Variants in GPC5 observed in about 807,000 individuals in gnomAD.
The protein encoded by GPC5 is glypican-5.
A neutral mutation model predicts 53.9 loss-of-function variants in GPC5; 47 were observed. The observed-to-expected ratio is 0.87, with a 90% CI of 0.69 to 1.11. The LOEUF is 1.11. Ranked by LOEUF, GPC5 falls within the 50% of genes most tolerant of loss-of-function variation. GPC5 has a pLI of 0.00. For missense variants in GPC5, 748 were observed against 713.1 expected, an observed-to-expected ratio of 1.05 and a Z score of -0.56; for synonymous variants, 286 against 263.3, an observed-to-expected ratio of 1.09 and a Z score of -0.84.
intron 7 of GPC5, among the ~76,000 whole-genome samples, chr13:92,820,066 C>T (rs763569072): frequency 3.9e-5 from 6 of 152,068 alleles, no homozygotes; most frequent in African/African-American, 9.7e-5. Context: ...TGTCTACTAA[C>T]GAATGCTCGA....
intron 7 of GPC5, among the ~76,000 whole-genome samples, chr13:92,684,959 G>A (rs1039842400): frequency 6.6e-6 from 1 of 152,144 alleles, no homozygotes; most frequent in African/African-American, 2.4e-5. Flanking sequence ...GCAAATCATT[G>A]TTTTAGTTTG....
intron 6 of GPC5, among the ~76,000 whole-genome samples, chr13:91,942,414 A>T (rs2039935639): frequency 6.6e-6 from 1 of 152,078 alleles, no homozygotes; most frequent in Non-Finnish European, 1.5e-5. Context: ...AAAAATGGAA[A>T]TCTATACTAT....
intron 5 of GPC5, among the ~76,000 whole-genome samples, chr13:91,785,466 A>T (rs1342876862): frequency 6.6e-6 from 1 of 152,156 alleles, no homozygotes; most frequent in South Asian, 2.1e-4. Flanking sequence ...TGGGGATATC[A>T]TTCAGAGTTA....
At chr13:92,551,122 T>C (rs974026785) in intron 7 of GPC5, among the ~76,000 whole-genome samples, 4 of 151,956 alleles carry the variant, frequency 2.6e-5, no homozygotes, top group African/African-American at 7.2e-5. Context: ...AGGACCAGAA[T>C]TATTTGTATT....
intron 7 of GPC5, among the ~76,000 whole-genome samples, chr13:92,520,836 A>G (rs1339079275): frequency 6.6e-6 from 1 of 152,210 alleles, no homozygotes; most frequent in Non-Finnish European, 1.5e-5. Context: ...AGAGGAAGTC[A>G]AATTGTCCCT....
At chr13:91,863,460 G>A (rs1446474465) in intron 5 of GPC5, among the ~76,000 whole-genome samples, 1 of 152,068 alleles carries the variant, frequency 6.6e-6, no homozygotes, top group African/African-American at 2.4e-5. Flanking sequence ...ATAGTACCTA[G>A]TGCAAAACAC....
chr13:91,813,920 ATTTTTTTTTTTTTTT>A (rs71113766), intron 5 of GPC5, among the ~76,000 whole-genome samples: 66 of 72,646 alleles, frequency 9.1e-4, no homozygotes, highest in African/African-American at 3.5e-3. Context: ...ATCTTAACTG[ATTTTTTTTTTTTTTT>A]TTTTTTTTTT....
At chr13:91,502,754 T>C (rs1384510820) in intron 2 of GPC5, among the ~76,000 whole-genome samples, 2 of 152,212 alleles carry the variant, frequency 1.3e-5, no homozygotes, top group Non-Finnish European at 2.9e-5. Flanking sequence ...AATGTGCTGG[T>C]TACTTTTAGT....
intron 6 of GPC5, among the ~76,000 whole-genome samples, chr13:91,973,949 G>A (rs111465382): frequency 0.014 from 2,081 of 152,316 alleles, 42 homozygotes; most frequent in African/African-American, 0.048. Flanking sequence ...ACTTGAGGAG[G>A]CAGTATGCCC....
chr13:91,974,996 C>T (rs1301162133), intron 6 of GPC5, among the ~76,000 whole-genome samples: 2 of 152,244 alleles, frequency 1.3e-5, no homozygotes, highest in South Asian at 2.1e-4. Context: ...CTCTCACAAA[C>T]CTGACAAAAA....
At chr13:91,494,657 A>G (rs1884151030) in intron 2 of GPC5, among the ~76,000 whole-genome samples, 1 of 152,072 alleles carries the variant, frequency 6.6e-6, no homozygotes, top group African/African-American at 2.4e-5. Context: ...CCAGCAGCCA[A>G]TTTTCTGTCT....
intron 2 of GPC5, among the ~76,000 whole-genome samples, chr13:91,511,158 T>C (rs1194854261): frequency 1.3e-5 from 2 of 152,198 alleles, no homozygotes; most frequent in African/African-American, 4.8e-5. Context: ...AGAATTCCAA[T>C]ATGATGTTTC....
At chr13:92,712,468 A>C (rs13378613) in intron 7 of GPC5, among the ~76,000 whole-genome samples, 1,654 of 152,136 alleles carry the variant, frequency 0.011, 27 homozygotes, top group African/African-American at 0.038. Context: ...AACAAACAAA[A>C]AAAAAACGGC....
intron 7 of GPC5, among the ~76,000 whole-genome samples, chr13:92,328,148 T>A (rs2043264732): frequency 6.6e-6 from 1 of 152,170 alleles, no homozygotes; most frequent in Non-Finnish European, 1.5e-5. Context: ...GAAATAGGAC[T>A]TTTTCACTTT....
chr13:92,808,759 T>C (rs1181612639), intron 7 of GPC5, among the ~76,000 whole-genome samples: 1 of 152,102 alleles, frequency 6.6e-6, no homozygotes, highest in Non-Finnish European at 1.5e-5. Flanking sequence ...CTTTTATATA[T>C]TACAAAATTT....
chr13:92,418,570 A>G (rs1876422627), intron 7 of GPC5, among the ~76,000 whole-genome samples: 1 of 152,184 alleles, frequency 6.6e-6, no homozygotes, highest in South Asian at 2.1e-4. Context: ...TGTATAAAAT[A>G]CTATTAGGTA....
At chr13:92,066,111 T>C (rs1053743639) in intron 6 of GPC5, among the ~76,000 whole-genome samples, 7 of 151,972 alleles carry the variant, frequency 4.6e-5, no homozygotes, top group African/African-American at 1.4e-4. Context: ...AGGCAGAAGT[T>C]TAAGGAAAAA....
At chr13:92,756,767 C>T (rs1266501910) in intron 7 of GPC5, among the ~76,000 whole-genome samples, 1 of 148,676 alleles carries the variant, frequency 6.7e-6, no homozygotes, top group African/African-American at 2.5e-5. Context: ...AGGAATCCAA[C>T]TTACAAGGGA....
intron 7 of GPC5, among the ~76,000 whole-genome samples, chr13:92,338,538 C>T (rs1442050246): frequency 6.6e-6 from 1 of 152,016 alleles, no homozygotes; most frequent in Non-Finnish European, 1.5e-5. Context: ...AAATGTGGTA[C>T]ATCCTACAAT....
Sources: gnomAD v4.1 joint callset for allele counts (sites outside exome capture counted in the v4.1 genomes callset) on GRCh38, gnomAD v4.1.1 for gene constraint, MANE v1.5 for transcripts, NCBI Gene and HGNC (gene_info 2026-07-23, HGNC 2026-07-21) for gene names.